Variants in TENM3 observed in about 807,000 individuals in gnomAD.
The protein encoded by TENM3 is teneurin transmembrane protein 3.
A neutral mutation model predicts 255.1 loss-of-function variants in TENM3; 63 were observed. The ratio of observed to expected loss-of-function variants is 0.25; its 90% CI spans 0.20 to 0.30. The LOEUF (loss-of-function observed/expected upper bound fraction) is 0.30, where lower values mean the gene tolerates loss of function less well. Among genes scored for constraint, TENM3 ranks in the 10% least tolerant of loss-of-function variants. TENM3 has a pLI of 1.00. For synonymous variants in TENM3, 1,306 were observed against 1,322.3 expected, an observed-to-expected ratio of 0.99 and a Z score of 0.27; for missense variants, 2,929 against 3,461.1, an observed-to-expected ratio of 0.85 and a Z score of 3.86.
At chr4:181,757,704 C>A in the TENM3 span, among the ~76,000 whole-genome samples, 1 of 152,136 alleles carries the variant, frequency 6.6e-6, no homozygotes, top group Non-Finnish European at 1.5e-5. Flanking sequence ...TAAAATATCT[C>A]TTGAATGAAA....
the TENM3 span, among the ~76,000 whole-genome samples, chr4:181,794,540 A>G: frequency 1.3e-5 from 2 of 151,930 alleles, no homozygotes; most frequent in Non-Finnish European, 2.9e-5. Flanking sequence ...ATCCTGCAGT[A>G]TTTGTTTTTC....
chr4:182,200,535 A>G (rs1490403077), intron 1 of TENM3, among the ~76,000 whole-genome samples: 1 of 152,230 alleles, frequency 6.6e-6, no homozygotes, highest in Non-Finnish European at 1.5e-5. Context: ...GGAAATATGT[A>G]TTTCATCATA....
chr4:181,936,131 C>A, the TENM3 span, among the ~76,000 whole-genome samples: 1 of 152,120 alleles, frequency 6.6e-6, no homozygotes, highest in Non-Finnish European at 1.5e-5. Context: ...GTGGCTCACA[C>A]CTGTAATCCT....
intron 4 of TENM3, among the ~76,000 whole-genome samples, chr4:182,624,047 T>C (rs1750577996): frequency 6.6e-6 from 1 of 151,382 alleles, no homozygotes; most frequent in Non-Finnish European, 1.5e-5. Flanking sequence ...ACAGGTTTCC[T>C]CTGCTCTCAG....
intron 19 of TENM3, chr4:182,744,012 AGTT>A: frequency 3.9e-6 from 2 of 510,538 alleles, no homozygotes; most frequent in Non-Finnish European, 5.1e-6. Context: ...ATTTCTGCCA[AGTT>A]GGCAATTTTC....
At chr4:182,748,381 C>T (rs980011816) in intron 19 of TENM3, among the ~76,000 whole-genome samples, 2 of 152,184 alleles carry the variant, frequency 1.3e-5, no homozygotes, top group Non-Finnish European at 1.5e-5. Flanking sequence ...TGGCTGCAGC[C>T]GGTTCCGTCG....
chr4:182,251,997 AC>A (rs775661728), intron 1 of TENM3, among the ~76,000 whole-genome samples: 9 of 152,164 alleles, frequency 5.9e-5, no homozygotes, highest in Non-Finnish European at 1.2e-4. Context: ...AGCCTGGCCA[AC>A]ATGGTGAAAC....
At chr4:181,843,966 C>T in the TENM3 span, among the ~76,000 whole-genome samples, 1 of 152,106 alleles carries the variant, frequency 6.6e-6, no homozygotes, top group African/African-American at 2.4e-5. Context: ...GATCCGCCCG[C>T]CTCGGCTTCC....
At chr4:181,466,072 G>A in the TENM3 span, among the ~76,000 whole-genome samples, 1 of 151,630 alleles carries the variant, frequency 6.6e-6, no homozygotes, top group Non-Finnish European at 1.5e-5. Context: ...AAACGTGGGT[G>A]GATAATGCCT....
chr4:181,467,121 ATATATTTTTTTTTTT>A, the TENM3 span, among the ~76,000 whole-genome samples: 209 of 20,376 alleles, frequency 0.01, 2 homozygotes, highest in Admixed American at 0.044. Context: ...ATATATATAT[ATATATTTTTTTTTTT>A]TTTTTTTTTT....
At chr4:182,179,751 G>T (rs1484855624) in intron 1 of TENM3, among the ~76,000 whole-genome samples, 1 of 152,120 alleles carries the variant, frequency 6.6e-6, no homozygotes, top group Admixed American at 6.5e-5. Flanking sequence ...GAAACAGGAA[G>T]TTTTTCAGTG....
chr4:182,083,507 C>T, the TENM3 span, among the ~76,000 whole-genome samples: 1 of 151,978 alleles, frequency 6.6e-6, no homozygotes, highest in Non-Finnish European at 1.5e-5. Flanking sequence ...CTTGCATTTG[C>T]TTTTTCAACT....
chr4:182,381,929 G>A (rs756338342), intron 3 of TENM3, among the ~76,000 whole-genome samples: 8 of 152,210 alleles, frequency 5.3e-5, no homozygotes, highest in Non-Finnish European at 1.0e-4. Flanking sequence ...TCTTGTTCAT[G>A]TGGTCCTCAT....
At chr4:182,494,195 A>G (rs1580736146) in intron 3 of TENM3, among the ~76,000 whole-genome samples, 1 of 152,194 alleles carries the variant, frequency 6.6e-6, no homozygotes, top group Admixed American at 6.5e-5. Flanking sequence ...ATGAAAAGAC[A>G]TCAGTGTATG....
chr4:181,520,276 G>A, the TENM3 span, among the ~76,000 whole-genome samples: 31 of 152,282 alleles, frequency 2.0e-4, no homozygotes, highest in African/African-American at 7.2e-4. Context: ...GTGGGAAGCC[G>A]TGCCGCCCTG....
At chr4:182,433,558 A>G (rs1295306531) in intron 3 of TENM3, among the ~76,000 whole-genome samples, 5 of 152,236 alleles carry the variant, frequency 3.3e-5, no homozygotes, top group Admixed American at 2.6e-4. Flanking sequence ...CAGAGGGCAG[A>G]AAAAGGGTAG....
chr4:182,095,299 G>A, the TENM3 span, among the ~76,000 whole-genome samples: 4 of 152,246 alleles, frequency 2.6e-5, no homozygotes, highest in South Asian at 2.1e-4. Flanking sequence ...CAGATGAACC[G>A]ATAAAGACAA....
At position 182,673,225 on chromosome 4, in the gene TENM3, A is replaced by G; in HGVS notation, c.1326+6A>G. On this transcript the variant is annotated splice_donor_region_variant and intron_variant, in intron 7 of 27. Coordinates refer to ENST00000511685, the MANE Select transcript of TENM3 (RefSeq NM_001080477.4). ...TACCGCCTTCCCATACTCAGGTAAG[A>G]CTAGGCTTTCTTATCAATAAAATAA... is the stretch of plus-strand genomic sequence containing the variant. 6.4e-7 allele frequency: 1 copy of G among 1,569,512 alleles called. No homozygotes were observed. The highest frequency in any genetic ancestry group is 8.7e-7 in the Non-Finnish European group (1 of 1,150,300).
the TENM3 span, among the ~76,000 whole-genome samples, chr4:181,599,306 T>C: frequency 6.6e-6 from 1 of 152,184 alleles, no homozygotes; most frequent in African/African-American, 2.4e-5. Context: ...AGAGAGACGA[T>C]TTCAGTGAAT....
Sources: allele counts gnomAD v4.1 joint callset (sites outside exome capture counted in the v4.1 genomes callset), GRCh38; gene constraint gnomAD v4.1.1; transcripts MANE v1.5; gene names NCBI Gene and HGNC (gene_info 2026-07-23, HGNC 2026-07-21).